The following ANK1 variants were observed in gnomAD, a reference collection of about 807,000 sequenced individuals.
The protein encoded by ANK1 is ankyrin-1.
ANK1 carries 51 observed loss-of-function variants against 210.4 expected under a neutral mutation model. The ratio of observed to expected loss-of-function variants is 0.24; its 90% CI spans 0.19 to 0.31. The LOEUF is 0.31. ANK1 is among the 10% of genes least tolerant of loss of function. The pLI is 1.00. For missense variants in ANK1, 2,051 were observed against 2,504.4 expected (o/e 0.82, Z 3.86); for synonymous variants, 967 against 1,025.9 (o/e 0.94, Z 1.10).
At chr8:41,848,054 G>A (rs1025022774) in intron 1 of ANK1, among the ~76,000 whole-genome samples, 4 of 151,972 alleles carry the variant, frequency 2.6e-5, no homozygotes, top group African/African-American at 9.7e-5. Context: ...GTGTGATGGT[G>A]TGCACCTGTA....
chr8:41,782,337 G>A (rs1443143446), intron 1 of ANK1, among the ~76,000 whole-genome samples: 1 of 152,214 alleles, frequency 6.6e-6, no homozygotes, highest in Non-Finnish European at 1.5e-5. Context: ...GGCTTTGCCT[G>A]GCATTTCTTG....
rs371090454 is a variant in ANK1, at chr8:41,716,974, G to A, written c.1383C>T (p.Ala461=). ...EVAKYLLQNK[A]KVNAKAKDDQ... is the part of the protein sequence containing the mutation. ...TCACCTTGGCCTTGGCATTGACTTTGGCTTTGTTCTGGAGTAAATATTTGG... is the reference window on the plus strand; with the variant it reads ...TCACCTTGGCCTTGGCATTGACTTTAGCTTTGTTCTGGAGTAAATATTTGG... The change falls in exon 13 of 43, where the codon GCC becomes GCT. Residue 461 remains alanine, a synonymous_variant. Coordinates refer to ENST00000289734, the MANE Select transcript of ANK1 (RefSeq NM_000037.4). The A allele has an allele frequency of 1.1e-4, 177 of 1,614,182 alleles. No homozygotes were observed. The highest frequency in any genetic ancestry group is 1.0e-3 in the Middle Eastern group (6 of 6,012).
intron 1 of ANK1, among the ~76,000 whole-genome samples, chr8:41,765,426 T>C (rs1841549947): frequency 6.6e-6 from 1 of 152,038 alleles, no homozygotes; most frequent in Non-Finnish European, 1.5e-5. Flanking sequence ...TCTTTATTTT[T>C]TGTAGAGATA....
intron 1 of ANK1, among the ~76,000 whole-genome samples, chr8:41,871,316 A>G (rs1815443243): frequency 6.6e-6 from 1 of 152,102 alleles, no homozygotes; most frequent in African/African-American, 2.4e-5. Flanking sequence ...GATGCTGTTT[A>G]TTTATGTTTT....
intron 1 of ANK1, among the ~76,000 whole-genome samples, chr8:41,846,339 T>A (rs1255271649): frequency 1.3e-5 from 2 of 152,224 alleles, no homozygotes; most frequent in African/African-American, 4.8e-5. Context: ...TTCACCTATG[T>A]GCCCTTAAAG....
At chr8:41,758,596 C>T (rs768862824) in intron 1 of ANK1, among the ~76,000 whole-genome samples, 1 of 152,128 alleles carries the variant, frequency 6.6e-6, no homozygotes, top group Non-Finnish European at 1.5e-5. Flanking sequence ...TCCACCTTGG[C>T]CTCCCAAAGT....
intron 21 of ANK1, 24 bp downstream of exon 21, chr8:41,702,028 G>C: frequency 6.2e-7 from 1 of 1,601,098 alleles, no homozygotes; most frequent in Non-Finnish European, 8.6e-7. Context: ...GTCTGGGGTG[G>C]GTGCGGGGGA....
intron 2 of ANK1, among the ~76,000 whole-genome samples, chr8:41,737,439 G>A (rs1833708801): frequency 6.6e-6 from 1 of 152,116 alleles, no homozygotes; most frequent in South Asian, 2.1e-4. Flanking sequence ...TGATCTCTAG[G>A]ATTTTATTCA....
At chr8:41,666,421 A>G (rs979941063) in intron 39 of ANK1, among the ~76,000 whole-genome samples, 1 of 152,244 alleles carries the variant, frequency 6.6e-6, no homozygotes, top group African/African-American at 2.4e-5. Flanking sequence ...CTCTCACTCC[A>G]CAATGCTGCT....
chr8:41,719,703 C>T lies in ANK1; in HGVS notation c.1065G>A (p.Lys355=), dbSNP rs201542620. 9.3e-6 allele frequency: 15 copies of T among 1,614,216 alleles called. No homozygotes were observed. The highest frequency in any genetic ancestry group is 1.3e-5 in the Non-Finnish European group (15 of 1,180,036). Residue 355 remains lysine, a synonymous_variant, in exon 10 of 43, where the codon AAG becomes AAA. Coordinates refer to ENST00000289734, the MANE Select transcript of ANK1 (RefSeq NM_000037.4). The part of the protein sequence containing the change: ...AAHCGHHRVA[K]VLLDKGAKPN... ...GTTTGGCCCCTTTATCCAGAAGGACCTTAGCCACCCTGTGGTGTCCACAGT... is the reference window on the plus strand; with the variant it reads ...GTTTGGCCCCTTTATCCAGAAGGACTTTAGCCACCCTGTGGTGTCCACAGT...
At chr8:41,689,166 G>A (rs1818540877) in intron 33 of ANK1, among the ~76,000 whole-genome samples, 1 of 151,918 alleles carries the variant, frequency 6.6e-6, no homozygotes. Flanking sequence ...CTCTGAAGCT[G>A]GAGTGCAGTG....
rs569168307 is a variant in ANK1 at position 41,877,029 on chromosome 8, C to T, written c.126+19326G>A. ...ACTTTATGGGCTGAGCACAGTGGCT[C>T]ACATCTGTAATCCCAGTGCTTTGGG... On this transcript the variant is annotated intron_variant, in intron 1 of 42. Transcript: ENST00000265709. 2.6e-5 allele frequency among the ~76,000 whole-genome samples: 4 copies of T among 152,268 alleles called. No homozygotes were observed. In the South Asian group the frequency reaches 8.3e-4, roughly 32 times the overall value.
intron 1 of ANK1, among the ~76,000 whole-genome samples, chr8:41,778,875 A>C (rs1312128138): frequency 6.6e-6 from 1 of 152,232 alleles, no homozygotes; most frequent in Non-Finnish European, 1.5e-5. Flanking sequence ...CACTGAACAC[A>C]CAGGCAGGAA....
chr8:41,746,883 A>AAG (rs1318511616), intron 2 of ANK1, among the ~76,000 whole-genome samples: 57 of 151,712 alleles, frequency 3.8e-4, no homozygotes, highest in Admixed American at 3.7e-3. Flanking sequence ...AAAAAAAAAA[A>AAG]AGACCCAGAC....
chr8:41,827,227 C>T (rs1278899368), intron 1 of ANK1, among the ~76,000 whole-genome samples: 1 of 152,160 alleles, frequency 6.6e-6, no homozygotes, highest in Non-Finnish European at 1.5e-5. Flanking sequence ...TTGCTGGGAG[C>T]CAGGAATAAA....
chr8:41,854,507 C>T (rs773470205), intron 1 of ANK1, among the ~76,000 whole-genome samples: 4 of 152,190 alleles, frequency 2.6e-5, no homozygotes, highest in Admixed American at 6.5e-5. Context: ...AGCACCTTCA[C>T]GTGCTTTCTG....
At chr8:41,848,412 C>G (rs999318847) in intron 1 of ANK1, among the ~76,000 whole-genome samples, 4 of 152,178 alleles carry the variant, frequency 2.6e-5, no homozygotes, top group Non-Finnish European at 5.9e-5. Context: ...AAGTGGGAAG[C>G]GTGAAGCATT....
At chr8:41,728,165 A>G (rs1831207741) in intron 3 of ANK1, among the ~76,000 whole-genome samples, 159 bp from the exon 4 acceptor site, 1 of 152,202 alleles carries the variant, frequency 6.6e-6, no homozygotes, top group South Asian at 2.1e-4. Context: ...CCCATTGCAC[A>G]TCCTGAAATC....
At chr8:41,661,042 T>A (rs1807921954) in intron 42 of ANK1, 1 of 261,880 alleles carries the variant, frequency 3.8e-6, no homozygotes, top group South Asian at 4.3e-5. Flanking sequence ...CTTTCTGGCT[T>A]TTTTTTTTCT....
Sources: gnomAD v4.1 joint callset for allele counts (sites outside exome capture counted in the v4.1 genomes callset) on GRCh38, gnomAD v4.1.1 for gene constraint, MANE v1.5 for transcripts, NCBI Gene and HGNC (gene_info 2026-07-23, HGNC 2026-07-21) for gene names.